Variants in DDR2 observed in about 807,000 individuals in gnomAD.
DDR2 encodes discoidin domain-containing receptor 2.
In DDR2, 27 loss-of-function variants were observed where a neutral mutation model predicts 94.9. The observed-to-expected ratio is 0.28, with a 90% CI of 0.21 to 0.39. The LOEUF is 0.39. Ranked by LOEUF, DDR2 falls within the 10% of genes least tolerant of loss-of-function variation. The pLI is 1.00. For synonymous variants in DDR2, 382 were observed against 377.2 expected (o/e 1.01, Z -0.15); for missense variants, 783 against 1,076.0 (o/e 0.73, Z 3.81).
intron 3 of DDR2, among the ~76,000 whole-genome samples, chr1:162,720,896 A>C (rs1300533152): frequency 6.6e-6 from 1 of 152,160 alleles, no homozygotes. Flanking sequence ...TTCCATGTGC[A>C]TGGGTTTTTC....
chr1:162,647,733 A>T (rs561164252), intron 1 of DDR2, among the ~76,000 whole-genome samples: 83 of 152,270 alleles, frequency 5.5e-4, no homozygotes, highest in Non-Finnish European at 2.1e-4. Context: ...GCTGGTGGGA[A>T]TGTCTTTTAG....
intron 2 of DDR2, among the ~76,000 whole-genome samples, chr1:162,672,602 A>G (rs1195320439): frequency 6.6e-6 from 1 of 152,170 alleles, no homozygotes; most frequent in African/African-American, 2.4e-5. Flanking sequence ...ATATAGATTC[A>G]TGTATACTTT....
chr1:162,761,343 A>C lies in DDR2; in HGVS notation c.988A>C (p.Ser330Arg). 2.5e-6 allele frequency: 4 copies of C among 1,614,180 alleles called. No individual in the cohort carries two copies. The highest frequency in any genetic ancestry group is 3.4e-6 in the Non-Finnish European group (4 of 1,180,036). ...CCTTGTCCTGGATGACGTCAACCCC[A>C]GTGCTCGGTTTGTCACGGTGCCTCT... ...FPLVLDDVNPSARFVTVPLHH... is the reference protein window; with the variant it reads ...FPLVLDDVNPRARFVTVPLHH... Residue 330 changes from serine (S) to arginine (R), a missense_variant, in exon 9 of 18, where the codon AGT becomes CGT. Physicochemically the swap from Ser to Arg is moderately radical, Grantham distance 110 (BLOSUM62 -1). Transcript: ENST00000367921.
Position 162,761,256 on chromosome 1 carries a change from G to A in DDR2, c.901G>A (p.Glu301Lys), listed in dbSNP as rs1378895579. ...TGCTAAAGGTGTGAAGATCTTTAAG[G>A]AGGTACAGTGCTACTTCCGCTCTGA... ...MFAKGVKIFK[E>K]VQCYFRSEAS... Residue 301 changes from glutamate (E) to lysine (K), a missense_variant, in exon 9 of 18, where the codon GAG (glutamate) becomes AAG (lysine). Coordinates refer to ENST00000367921, the MANE Select transcript of DDR2 (RefSeq NM_006182.4). The A allele has an allele frequency of 6.2e-7, 1 of 1,614,134 alleles. No individual in the cohort carries two copies. The highest frequency in any genetic ancestry group is 1.7e-5 in the Admixed American group (1 of 60,016).
At chr1:162,665,245 C>G (rs183277772) in intron 2 of DDR2, among the ~76,000 whole-genome samples, 7 of 152,300 alleles carry the variant, frequency 4.6e-5, no homozygotes, top group African/African-American at 1.7e-4. Context: ...GATCGGGAGC[C>G]TCTTTTAACA....
intron 3 of DDR2, among the ~76,000 whole-genome samples, chr1:162,725,657 G>A (rs893096050): frequency 6.6e-6 from 1 of 152,104 alleles, no homozygotes; most frequent in Admixed American, 6.5e-5. Context: ...CACCACACCC[G>A]GCCACAAGCA....
At chr1:162,642,877 A>G (rs1657209310) in intron 1 of DDR2, among the ~76,000 whole-genome samples, 1 of 152,176 alleles carries the variant, frequency 6.6e-6, no homozygotes, top group Admixed American at 6.5e-5. Context: ...GTAAAAAACA[A>G]ATTAACTGCT....
chr1:162,664,767 C>G (rs1401208465), intron 2 of DDR2, among the ~76,000 whole-genome samples: 2 of 151,974 alleles, frequency 1.3e-5, no homozygotes, highest in Non-Finnish European at 2.9e-5. Context: ...ACTTTTTCAT[C>G]AGAAAAATAA....
intron 3 of DDR2, among the ~76,000 whole-genome samples, chr1:162,750,877 C>G (rs867725205): frequency 1.8e-4 from 28 of 152,132 alleles, no homozygotes; most frequent in South Asian, 4.2e-4. Context: ...ACAAACCTGA[C>G]AAAAACAAGC....
intron 8 of DDR2, among the ~76,000 whole-genome samples, 197 bp downstream of exon 8, chr1:162,760,176 T>C (rs1235226585): frequency 1.3e-5 from 2 of 152,116 alleles, no homozygotes; most frequent in African/African-American, 4.8e-5. Flanking sequence ...GGAGTTAGAA[T>C]AGGTCAGTGA....
At chr1:162,667,127 A>G (rs1658621346) in intron 2 of DDR2, among the ~76,000 whole-genome samples, 1 of 152,088 alleles carries the variant, frequency 6.6e-6, no homozygotes, top group Non-Finnish European at 1.5e-5. Flanking sequence ...TTGTTTGAAT[A>G]TACCATATTT....
At chr1:162,758,895 TC>T (rs1160873046) in intron 7 of DDR2, among the ~76,000 whole-genome samples, 4 of 152,172 alleles carry the variant, frequency 2.6e-5, no homozygotes, top group African/African-American at 9.7e-5. Flanking sequence ...AAAGAGAAGT[TC>T]CACATGATGG....
rs1663529788 is a variant in DDR2, at chr1:162,757,768, T to C, written c.671+1999T>C. 5.9e-5 allele frequency among the ~76,000 whole-genome samples: 9 copies of C among 152,256 alleles called. No homozygotes were observed. The South Asian group carries it at 1.9e-3, about 32-fold the overall frequency. On this transcript the variant is annotated intron_variant, in intron 7 of 17. Transcript: ENST00000367921. ...ATGAGGAACATTTTAAAACTCTTAGTTCTGCCAAGTAAAAAGAATTAATGA... is the reference window on the plus strand; with the variant it reads ...ATGAGGAACATTTTAAAACTCTTAGCTCTGCCAAGTAAAAAGAATTAATGA...
At chr1:162,749,105 CA>C (rs1438269482) in intron 3 of DDR2, among the ~76,000 whole-genome samples, 1 of 152,034 alleles carries the variant, frequency 6.6e-6, no homozygotes, top group African/African-American at 2.4e-5. Flanking sequence ...ACTAGAGAAG[CA>C]AGAGCAAACA....
At chr1:162,645,829 G>A (rs1166546829) in intron 1 of DDR2, among the ~76,000 whole-genome samples, 1 of 152,158 alleles carries the variant, frequency 6.6e-6, no homozygotes, top group Non-Finnish European at 1.5e-5. Flanking sequence ...GGTTAGCATT[G>A]TGTTGATATT....
intron 1 of DDR2, among the ~76,000 whole-genome samples, chr1:162,634,121 T>C (rs934946745): frequency 6.6e-6 from 1 of 152,162 alleles, no homozygotes; most frequent in Non-Finnish European, 1.5e-5. Context: ...GAGGTGAAGG[T>C]GTCAGGCTAT....
intron 9 of DDR2, among the ~76,000 whole-genome samples, chr1:162,763,453 C>T (rs1356074133): frequency 7.0e-6 from 1 of 142,146 alleles, no homozygotes; most frequent in Non-Finnish European, 1.5e-5. Context: ...GCCGCCTAGG[C>T]CTCCCAAAGT....
intron 7 of DDR2, among the ~76,000 whole-genome samples, chr1:162,757,095 C>T (rs1253867146): frequency 6.6e-6 from 1 of 151,812 alleles, no homozygotes; most frequent in Non-Finnish European, 1.5e-5. Context: ...CTCTGGGGTT[C>T]AAAGGAAAAA....
At chr1:162,662,456 A>G (rs1464138522) in intron 2 of DDR2, among the ~76,000 whole-genome samples, 2 of 152,166 alleles carry the variant, frequency 1.3e-5, no homozygotes, top group Non-Finnish European at 1.5e-5. Context: ...AGCAACTTCT[A>G]CACCGTCTGT....
Sources: gnomAD v4.1 joint callset for allele counts (sites outside exome capture counted in the v4.1 genomes callset) on GRCh38, gnomAD v4.1.1 for gene constraint, MANE v1.5 for transcripts, NCBI Gene and HGNC (gene_info 2026-07-23, HGNC 2026-07-21) for gene names.